Variants in CFAP251 observed in about 807,000 individuals in gnomAD.
The protein encoded by CFAP251 is cilia- and flagella-associated protein 251.
A neutral mutation model predicts 126.7 loss-of-function variants in CFAP251; 93 were observed. The ratio of observed to expected loss-of-function variants is 0.73; its 90% confidence interval spans 0.62 to 0.87. CFAP251 has a LOEUF of 0.87. Among genes scored for constraint, CFAP251 ranks in the 40% least tolerant of loss-of-function variants. The pLI, the probability that CFAP251 is intolerant of heterozygous loss-of-function variation, is 0.00. For missense variants in CFAP251, 1,287 were observed against 1,389.2 expected, an observed-to-expected ratio of 0.93 and a Z score of 1.17; for synonymous variants, 503 against 506.9, an observed-to-expected ratio of 0.99 and a Z score of 0.10.
At chr12:121,992,189 G>C in intron 19 of CFAP251, 1 of 985,326 alleles carries the variant, frequency 1.0e-6, no homozygotes, top group South Asian at 4.7e-5. Context: ...ACACGGGGGC[G>C]TTCAGAACAA....
chr12:121,959,046 T>A lies in CFAP251; in HGVS notation c.2085T>A (p.Ser695Arg). 1.9e-6 allele frequency: 3 copies of A among 1,612,164 alleles called. No individual in the cohort carries two copies. Among genetic ancestry groups the A allele is most frequent in the Non-Finnish European group, 2.5e-6 (3 of 1,179,506 alleles). Residue 695 changes from serine to arginine, a missense_variant, in exon 13 of 22, where the codon AGT becomes AGA. Transcript: ENST00000288912. Reference sequence around the variant, plus strand: ...AGCCTTTCAAATATTCCAGAACCAGTGTGACTCATATAAGCTTTTCCCATG... The same window carrying A: ...AGCCTTTCAAATATTCCAGAACCAGAGTGACTCATATAAGCTTTTCCCATG... ...SPEPFKYSRTSVTHISFSHDS... is the reference protein window; with the variant it reads ...SPEPFKYSRTRVTHISFSHDS...
At chr12:121,932,383 T>A (rs1300589768) in intron 4 of CFAP251, 1 of 152,202 alleles carries the variant, frequency 6.6e-6, no homozygotes, top group African/African-American at 2.4e-5. Flanking sequence ...TGACTCTACA[T>A]CTCCTGTCTT....
chr12:121,959,059 A>G lies in CFAP251; in HGVS notation c.2098A>G (p.Ser700Gly), dbSNP rs1213484200. 1 of 1,608,692 alleles carries G rather than the reference A, an allele frequency of 6.2e-7. No individual in the cohort carries two copies. Among genetic ancestry groups the G allele is most frequent in the Non-Finnish European group, 8.5e-7 (1 of 1,178,626 alleles). ...TTCCAGAACCAGTGTGACTCATATA[A>G]GCTTTTCCCATGACTCCCAGTATAT... ...KYSRTSVTHI[S>G]FSHDSQYMAT... The change falls in exon 13 of 22, where the codon AGC (serine) becomes GGC (glycine). Residue 700 changes from serine (S) to glycine (G), a missense_variant. Physicochemically the swap from Ser to Gly is moderately conservative, Grantham distance 56. Coordinates refer to ENST00000288912, the MANE Select transcript of CFAP251 (RefSeq NM_144668.6).
intron 19 of CFAP251, among the ~76,000 whole-genome samples, chr12:121,977,841 C>T (rs913933346): frequency 6.6e-6 from 1 of 150,948 alleles, no homozygotes; most frequent in Admixed American, 6.6e-5. Context: ...CGCCTGTAGT[C>T]CCAGCTATTC....
chr12:121,962,992 C>A (rs1361498303), intron 15 of CFAP251, among the ~76,000 whole-genome samples: 2 of 152,060 alleles, frequency 1.3e-5, no homozygotes, highest in African/African-American at 2.4e-5. Context: ...GCCAGGCACA[C>A]GGCACCCTGG....
intron 3 of CFAP251, among the ~76,000 whole-genome samples, chr12:121,929,895 C>G (rs1276362637): frequency 6.6e-6 from 1 of 152,194 alleles, no homozygotes; most frequent in Non-Finnish European, 1.5e-5. Context: ...CCAGGCTGGT[C>G]TTGAACTCCT....
chr12:121,969,462 T>A, intron 17 of CFAP251: 1 of 985,240 alleles, frequency 1.0e-6, no homozygotes, highest in Non-Finnish European at 1.2e-6. Flanking sequence ...CCACACCCTG[T>A]GGGGACAAGC....
In CFAP251 at chr12:121,951,489, AGG is replaced by A; in HGVS notation, c.1281_1282del (p.Asp428TyrfsTer11). ...TTTTTCCTCTTATCAGTATGAAGAG[AGG>A]GATACACTGGCTCACAGTGCCCCAC... ...RAIYYAWYEE[R>X]DTLAHSAPLL... is the part of the protein sequence containing the mutation. On this transcript the variant is annotated frameshift_variant, in exon 9 of 22. Transcript: ENST00000288912. LOFTEE classifies it high-confidence loss of function. 1 of 1,579,394 alleles carries A rather than the reference AGG, an allele frequency of 6.3e-7. No homozygotes were observed. The highest frequency in any genetic ancestry group is 8.7e-7 in the Non-Finnish European group (1 of 1,153,276).
intron 19 of CFAP251, among the ~76,000 whole-genome samples, chr12:121,978,534 A>G (rs1332929886): frequency 6.6e-6 from 1 of 151,466 alleles, no homozygotes; most frequent in African/African-American, 2.4e-5. Flanking sequence ...CATCACTGTT[A>G]TTATTTTGGT....
chr12:121,984,926 G>T (rs1271091316), intron 19 of CFAP251, among the ~76,000 whole-genome samples: 1 of 152,206 alleles, frequency 6.6e-6, no homozygotes, highest in Non-Finnish European at 1.5e-5. Flanking sequence ...CTGTAGAGAC[G>T]TATGTGCCCA....
intron 16 of CFAP251, 151 bp downstream of exon 16, chr12:121,967,220 C>T: frequency 1.5e-6 from 1 of 660,710 alleles, no homozygotes; most frequent in Non-Finnish European, 2.6e-6. Context: ...GAAAATTGCC[C>T]TTGATGAGTT....
intron 19 of CFAP251, among the ~76,000 whole-genome samples, chr12:121,990,628 C>A (rs567184936): frequency 7.5e-4 from 114 of 152,340 alleles, no homozygotes; most frequent in African/African-American, 2.6e-3. Context: ...AGAGCTCCTC[C>A]AACCTTTGAT....
In CFAP251 at chr12:121,958,531, A is replaced by T; in HGVS notation, c.1981+9A>T. 1 of 1,614,094 alleles carries T rather than the reference A, an allele frequency of 6.2e-7. No individual in the cohort carries two copies. Among genetic ancestry groups the T allele is most frequent in the Non-Finnish European group, 8.5e-7 (1 of 1,179,926 alleles). ...GACCTACAACCCCGAAGGTATTTTC[A>T]TCTTATCAGCCTACCATCGGTTCCA... On this transcript the variant is annotated intron_variant, in intron 12 of 21. Coordinates refer to ENST00000288912, the MANE Select transcript of CFAP251 (RefSeq NM_144668.6).
chr12:121,959,241 A>G (rs1881841280), intron 13 of CFAP251, 147 bp downstream of exon 13: 1 of 855,012 alleles, frequency 1.2e-6, no homozygotes, highest in Admixed American at 2.7e-5. Flanking sequence ...ATTCAAGACC[A>G]GCCTAGGAAA....
At chr12:121,966,011 C>A (rs1018950097) in intron 15 of CFAP251, among the ~76,000 whole-genome samples, 1 of 151,870 alleles carries the variant, frequency 6.6e-6, no homozygotes, top group African/African-American at 2.4e-5. Context: ...TGGACTCGAA[C>A]TCCTAACCCC....
chr12:121,999,037 T>C (rs932793822), intron 19 of CFAP251: 8 of 152,218 alleles, frequency 5.3e-5, no homozygotes, highest in East Asian at 1.9e-4. Flanking sequence ...ATGCCCGTTA[T>C]TGGGTTGAGG....
intron 17 of CFAP251, among the ~76,000 whole-genome samples, chr12:121,972,416 C>G (rs1256874236): frequency 6.6e-6 from 1 of 151,952 alleles, no homozygotes; most frequent in Admixed American, 6.6e-5. Flanking sequence ...AGACTGGTGG[C>G]ATTTTGCCCC....
intron 2 of CFAP251, among the ~76,000 whole-genome samples, chr12:121,923,129 C>T (rs927420479): frequency 4.6e-5 from 7 of 151,508 alleles, no homozygotes; most frequent in African/African-American, 1.7e-4. Flanking sequence ...CCTCCCCTCC[C>T]CTCTCCTCCC....
In CFAP251 at chr12:121,999,943, A is replaced by C. The variant is rs201604276; in HGVS notation, c.3234A>C (p.Lys1078Asn). The change falls in exon 20 of 22, where the codon AAA becomes AAC. Residue 1078 changes from lysine (K) to asparagine (N), a missense_variant and splice_region_variant. Coordinates refer to ENST00000288912, the MANE Select transcript of CFAP251 (RefSeq NM_144668.6). The part of the protein sequence containing the change: ...REDFLRLLVT[K>N]GEHMTEEEML... ...ACTTCCTGAGACTGCTCGTTACTAA[A>C]GGTAAGCACATACATCAGGATGTCT... 29 of 1,609,258 alleles carry C rather than the reference A, an allele frequency of 1.8e-5. No homozygotes were observed. The highest frequency in any genetic ancestry group is 4.0e-5 in the African/African-American group (3 of 74,856).
Sources: gnomAD v4.1 joint callset for allele counts (sites outside exome capture counted in the v4.1 genomes callset) on GRCh38, gnomAD v4.1.1 for gene constraint, MANE v1.5 for transcripts, NCBI Gene and HGNC (gene_info 2026-07-23, HGNC 2026-07-21) for gene names.